DGKB: variants seen among roughly 807,000 people sequenced by gnomAD.
DGKB encodes the protein diacylglycerol kinase beta.
DGKB carries 67 observed loss-of-function variants against 114.3 expected under a neutral mutation model. That is an observed-to-expected ratio of 0.59 (90% CI 0.48 to 0.72). DGKB has a LOEUF of 0.72. Ranked by LOEUF, DGKB falls within the 30% of genes least tolerant of loss-of-function variation. The probability of loss-of-function intolerance (pLI) is 0.00; values close to 1 mark genes in which losing one functional copy is unlikely to be tolerated. For synonymous variants in DGKB, 398 were observed against 323.1 expected (o/e 1.23, Z -2.49); for missense variants, 907 against 975.2 (o/e 0.93, Z 0.93).
Position 14,352,877 on chromosome 7 carries a change from C to T in DGKB, c.1836-7486G>A, listed in dbSNP as rs576809948. Among the ~76,000 whole-genome samples, 34 of 152,092 alleles carry T rather than the reference C, an allele frequency of 2.2e-4. No individual in the cohort carries two copies. The East Asian group carries it at 4.6e-3, about 21-fold the overall frequency. ...GGCGGAGGCTGCAGTGAGCTGAGAT[C>T]GTGCCATTGCACTTCAGCCTGGGCA... On this transcript the variant is annotated intron_variant, in intron 21 of 25. Coordinates refer to ENST00000402815, the MANE Select transcript of DGKB (RefSeq NM_001350709.2).
intron 13 of DGKB, among the ~76,000 whole-genome samples, chr7:14,632,023 C>T (rs1404611): frequency 0.85 from 129,441 of 151,832 alleles, 55,280 homozygotes; most frequent in East Asian, 0.9. Context: ...GTATGCTTAC[C>T]ATGCATACAT....
intron 20 of DGKB, among the ~76,000 whole-genome samples, chr7:14,535,645 T>C (rs1792347661): frequency 6.6e-6 from 1 of 152,058 alleles, no homozygotes; most frequent in South Asian, 2.1e-4. Context: ...TGGCGTGCAA[T>C]GGTGTGATCT....
intron 21 of DGKB, among the ~76,000 whole-genome samples, chr7:14,371,448 T>C (rs1817632428): frequency 6.6e-6 from 1 of 152,198 alleles, no homozygotes; most frequent in Admixed American, 6.5e-5. Context: ...TTTTCATGTT[T>C]GTTGGCAGCT....
At chr7:14,591,542 CT>C (rs951355826) in intron 17 of DGKB, among the ~76,000 whole-genome samples, 4 of 151,912 alleles carry the variant, frequency 2.6e-5, no homozygotes, top group Admixed American at 1.3e-4. Flanking sequence ...TCAGACACTT[CT>C]TTTTTTATCA....
chr7:14,947,827 C>T (rs572234049), intron 1 of DGKB, among the ~76,000 whole-genome samples: 6 of 151,816 alleles, frequency 4.0e-5, no homozygotes, highest in South Asian at 2.1e-4. Flanking sequence ...CGTTATCATT[C>T]GTCTACTACT....
intron 25 of DGKB, among the ~76,000 whole-genome samples, chr7:14,170,165 G>GA (rs1181074613): frequency 1.0e-5 from 1 of 97,502 alleles, no homozygotes; most frequent in Non-Finnish European, 2.0e-5. Flanking sequence ...AAGAAAGAAA[G>GA]AAAGAAAGAA....
chr7:14,552,843 T>C (rs541330028), intron 20 of DGKB, among the ~76,000 whole-genome samples: 2 of 152,330 alleles, frequency 1.3e-5, no homozygotes, highest in African/African-American at 4.8e-5. Flanking sequence ...AAATTGATCC[T>C]GTAGCTCAAA....
chr7:14,202,313 G>A (rs1786023143), intron 23 of DGKB, among the ~76,000 whole-genome samples: 1 of 151,950 alleles, frequency 6.6e-6, no homozygotes, highest in South Asian at 2.1e-4. Flanking sequence ...CAGTAATTCA[G>A]CAGTGTCTAG....
intron 1 of DGKB, among the ~76,000 whole-genome samples, chr7:14,974,141 C>T (rs1317089385): frequency 6.6e-6 from 1 of 151,840 alleles, no homozygotes; most frequent in Non-Finnish European, 1.5e-5. Context: ...AATACTGACA[C>T]TATACTGTAC....
intron 6 of DGKB, among the ~76,000 whole-genome samples, chr7:14,715,441 C>T (rs1416439400): frequency 1.3e-5 from 2 of 152,018 alleles, no homozygotes; most frequent in African/African-American, 4.8e-5. Flanking sequence ...AGCCCTGAGA[C>T]CATGTCCTTG....
intron 2 of DGKB, among the ~76,000 whole-genome samples, chr7:14,784,182 T>G (rs572419478): frequency 4.2e-4 from 64 of 152,204 alleles, no homozygotes; most frequent in African/African-American, 1.5e-3. Context: ...TGATGTATCC[T>G]TTTCAGCTGA....
chr7:14,517,724 A>G (rs1441305163), intron 20 of DGKB, among the ~76,000 whole-genome samples: 1 of 152,098 alleles, frequency 6.6e-6, no homozygotes, highest in African/African-American at 2.4e-5. Context: ...AAAATCAATA[A>G]TCATTAAAGA....
chr7:14,962,618 CTGTG>C (rs369017205), intron 1 of DGKB, among the ~76,000 whole-genome samples: 3 of 140,454 alleles, frequency 2.1e-5, no homozygotes, highest in South Asian at 2.2e-4. Context: ...ATAGCTATAG[CTGTG>C]TGTGTGTGTG....
intron 1 of DGKB, among the ~76,000 whole-genome samples, chr7:14,966,030 T>C (rs1787127601): frequency 6.6e-6 from 1 of 152,068 alleles, no homozygotes; most frequent in Non-Finnish European, 1.5e-5. Flanking sequence ...TTTATAAATA[T>C]TCTAAAACAA....
At chr7:14,209,601 C>A in intron 23 of DGKB, 2 of 452,196 alleles carry the variant, frequency 4.4e-6, no homozygotes, top group Non-Finnish European at 4.5e-6. Context: ...AAAATCTGCC[C>A]CTTAAGAGGT....
intron 23 of DGKB, among the ~76,000 whole-genome samples, chr7:14,277,430 C>T (rs527635735): frequency 1.3e-5 from 2 of 152,288 alleles, no homozygotes; most frequent in East Asian, 3.9e-4. Context: ...ACCTTGGCCT[C>T]CCAAAGTGCT....
chr7:14,194,601 A>C (rs936655693), intron 23 of DGKB, among the ~76,000 whole-genome samples: 7 of 152,166 alleles, frequency 4.6e-5, no homozygotes, highest in Admixed American at 3.9e-4. Flanking sequence ...TTCCCTGTTG[A>C]AATCTAAAAA....
intron 22 of DGKB, among the ~76,000 whole-genome samples, chr7:14,343,498 T>C (rs1213982500): frequency 1.3e-5 from 2 of 151,846 alleles, no homozygotes; most frequent in Admixed American, 1.3e-4. Context: ...TTCAAAATCT[T>C]TTGCTGTAAA....
intron 14 of DGKB, 57 bp downstream of exon 14, chr7:14,630,179 A>T: frequency 3.3e-6 from 4 of 1,202,658 alleles, no homozygotes; most frequent in Non-Finnish European, 4.6e-6. Context: ...TTACAGCAAT[A>T]CAAGATGTAT....
Sources: gnomAD v4.1 joint callset for allele counts (sites outside exome capture counted in the v4.1 genomes callset) on GRCh38, gnomAD v4.1.1 for gene constraint, MANE v1.5 for transcripts, NCBI Gene and HGNC (gene_info 2026-07-23, HGNC 2026-07-21) for gene names.